The following RORA variants were observed in gnomAD, a reference collection of about 807,000 sequenced individuals.
RORA encodes the protein nuclear receptor ROR-alpha.
In RORA, 7 loss-of-function variants were observed where a neutral mutation model predicts 69.5. The observed-to-expected ratio is 0.10, with a 90% CI of 0.06 to 0.19. RORA has a LOEUF of 0.19. Ranked by LOEUF, RORA falls within the 10% of genes least tolerant of loss-of-function variation. The pLI is 1.00. For synonymous variants in RORA, 261 were observed against 240.8 expected (o/e 1.08, Z -0.78); for missense variants, 457 against 663.0 (o/e 0.69, Z 3.41).
intron 1 of RORA, among the ~76,000 whole-genome samples, chr15:60,695,745 C>T (rs1596133940): frequency 6.6e-6 from 1 of 152,156 alleles, no homozygotes; most frequent in East Asian, 1.9e-4. Context: ...CACGTCCCCA[C>T]AGCTATGCTT....
intron 2 of RORA, among the ~76,000 whole-genome samples, chr15:60,562,639 G>A (rs1290843161): frequency 6.6e-6 from 1 of 150,588 alleles, no homozygotes; most frequent in African/African-American, 2.4e-5. Flanking sequence ...GTAGAGATGG[G>A]GTTTCACCAT....
intron 1 of RORA, among the ~76,000 whole-genome samples, chr15:60,701,089 C>A (rs2070974827): frequency 6.6e-6 from 1 of 152,208 alleles, no homozygotes; most frequent in Non-Finnish European, 1.5e-5. Context: ...GTTTACTTGT[C>A]TGTCTGTTCA....
intron 1 of RORA, among the ~76,000 whole-genome samples, chr15:61,019,737 T>C (rs150096507): frequency 1.1e-4 from 16 of 152,308 alleles, no homozygotes; most frequent in Non-Finnish European, 2.1e-4. Flanking sequence ...TGCACCTTGC[T>C]TCTCCTCTGT....
intron 1 of RORA, among the ~76,000 whole-genome samples, chr15:60,750,144 A>G (rs904594306): frequency 2.0e-5 from 3 of 152,202 alleles, no homozygotes; most frequent in African/African-American, 7.2e-5. Flanking sequence ...ATCAGCTCCA[A>G]TTTACAGTTG....
At chr15:60,940,756 T>A (rs1044489679) in intron 1 of RORA, among the ~76,000 whole-genome samples, 5 of 152,232 alleles carry the variant, frequency 3.3e-5, no homozygotes, top group Admixed American at 6.5e-5. Context: ...TGAAACCCTG[T>A]CTCTACTAAA....
intron 1 of RORA, among the ~76,000 whole-genome samples, chr15:60,775,313 T>C (rs1273331973): frequency 2.0e-5 from 3 of 152,302 alleles, no homozygotes; most frequent in African/African-American, 7.2e-5. Context: ...GAATTCTCTC[T>C]TCAGTTGTTT....
intron 1 of RORA, among the ~76,000 whole-genome samples, chr15:60,697,497 T>C (rs1357630909): frequency 6.6e-6 from 1 of 152,194 alleles, no homozygotes; most frequent in African/African-American, 2.4e-5. Flanking sequence ...CAAAACCTCA[T>C]TGAACCATCT....
chr15:60,825,630 G>A (rs1460294543), intron 1 of RORA, among the ~76,000 whole-genome samples: 1 of 152,176 alleles, frequency 6.6e-6, no homozygotes, highest in Non-Finnish European at 1.5e-5. Context: ...TCCTTCACGT[G>A]CTGTGATGCC....
chr15:60,951,992 G>C (rs1893115082), intron 1 of RORA, among the ~76,000 whole-genome samples: 1 of 149,572 alleles, frequency 6.7e-6, no homozygotes, highest in South Asian at 2.2e-4. Flanking sequence ...AACCAAAAAA[G>C]AGAATTTTAG....
In RORA at chr15:61,024,726, AGGCAT is replaced by A. The variant is rs561468716; in HGVS notation, c.166+204322_166+204326del. Among the ~76,000 whole-genome samples the A allele has an allele frequency of 8.5e-5, 13 of 152,174 alleles. No individual in the cohort carries two copies. The South Asian group carries it at 2.7e-3, about 32-fold the overall frequency. ...TCAGCCTCCAAAGTGCTGGGATTAC[AGGCAT>A]GAGCCACTGCACCTGGTCCTGGCTA... On this transcript the variant is annotated intron_variant, in intron 1 of 10. Transcript: ENST00000335670.
At chr15:60,909,930 G>A (rs1292237662) in intron 1 of RORA, among the ~76,000 whole-genome samples, 3 of 152,174 alleles carry the variant, frequency 2.0e-5, no homozygotes, top group Non-Finnish European at 2.9e-5. Context: ...CCTTTACCAC[G>A]GAGGTGATGC....
chr15:61,198,196 G>A (rs1012053352), intron 1 of RORA, among the ~76,000 whole-genome samples: 3 of 152,118 alleles, frequency 2.0e-5, no homozygotes, highest in East Asian at 1.9e-4. Flanking sequence ...AATCCATGAT[G>A]AGCAAAATAC....
In RORA at chr15:60,511,895, C is replaced by T; in HGVS notation, c.425-274G>A. On this transcript the variant is annotated intron_variant, in intron 4 of 10. Coordinates refer to ENST00000335670, the MANE Select transcript of RORA (RefSeq NM_134261.3). The surrounding 1 kb of genome is among the most constrained non-coding windows in gnomAD (Gnocchi z 6.4). ...CCCAGAGAGATGCCACTTCTGTTTCCCTGCTGTCACATCCCCCGTTTCCAC... is the reference window on the plus strand; with the variant it reads ...CCCAGAGAGATGCCACTTCTGTTTCTCTGCTGTCACATCCCCCGTTTCCAC... 2.7e-6 allele frequency: 1 copy of T among 372,696 alleles called. No individual in the cohort carries two copies. The highest frequency in any genetic ancestry group is 4.9e-6 in the Non-Finnish European group (1 of 204,592). 23.1% of individuals were successfully genotyped at this position (372,696 alleles called of 1,614,324 possible).
Position 60,928,660 on chromosome 15 carries a change from CAA to C in RORA, c.167-249976_167-249975del. Among the ~76,000 whole-genome samples, 4 of 152,330 alleles carry C rather than the reference CAA, an allele frequency of 2.6e-5. No individual in the cohort carries two copies. In the Middle Eastern group the frequency reaches 0.01, roughly 389 times the overall value. ...TGTCCAATTCGACTCCCTCATTTCA[CAA>C]GGAAGGCATCTGAAGCTCAGAGAGA... On this transcript the variant is annotated intron_variant, in intron 1 of 10. Coordinates refer to ENST00000335670, the MANE Select transcript of RORA (RefSeq NM_134261.3).
chr15:61,136,075 C>T (rs922866142), intron 1 of RORA, among the ~76,000 whole-genome samples: 3 of 151,964 alleles, frequency 2.0e-5, no homozygotes, highest in Non-Finnish European at 4.4e-5. Context: ...AGGTATCGAC[C>T]CTGGTTTAAA....
intron 2 of RORA, chr15:60,627,264 G>C: frequency 6.2e-7 from 1 of 1,614,196 alleles, no homozygotes; most frequent in South Asian, 1.1e-5. Flanking sequence ...CTGCAGGTGT[G>C]GGTGTGGCAG....
chr15:60,966,089 G>A (rs1893547520), intron 1 of RORA, among the ~76,000 whole-genome samples: 1 of 151,942 alleles, frequency 6.6e-6, no homozygotes, highest in South Asian at 2.1e-4. Flanking sequence ...GTGAGGGAAG[G>A]GTCTGTTCTA....
intron 1 of RORA, among the ~76,000 whole-genome samples, chr15:61,064,508 G>T (rs1051056096): frequency 2.0e-5 from 3 of 152,166 alleles, no homozygotes; most frequent in African/African-American, 7.2e-5. Context: ...AGAACCAAGA[G>T]AGTCATCAGG....
At position 60,933,431 on chromosome 15, in the gene RORA, C is replaced by T. The variant is rs112764901; in HGVS notation, c.167-254745G>A. ...TCCTTGCCTCTGGAAATTTTGCCTACGCTTCCAGGCTCAGATCAAATGCGA... is the reference window on the plus strand; with the variant it reads ...TCCTTGCCTCTGGAAATTTTGCCTATGCTTCCAGGCTCAGATCAAATGCGA... On this transcript the variant is annotated intron_variant, in intron 1 of 10. Coordinates refer to ENST00000335670, the MANE Select transcript of RORA (RefSeq NM_134261.3). Among the ~76,000 whole-genome samples the T allele has an allele frequency of 8.3e-3, 1,263 of 152,310 alleles. 19 individuals carry two copies. Among genetic ancestry groups the T allele is most frequent in the African/African-American group, 0.029 (1,202 of 41,564 alleles).
Sources: allele counts gnomAD v4.1 joint callset (sites outside exome capture counted in the v4.1 genomes callset), GRCh38; gene constraint gnomAD v4.1.1; non-coding constraint Gnocchi (gnomAD v3.1); transcripts MANE v1.5; gene names NCBI Gene and HGNC (gene_info 2026-07-23, HGNC 2026-07-21).